The following CLPB variants were observed in gnomAD, a reference collection of about 807,000 sequenced individuals.
CLPB encodes the protein ClpB family mitochondrial disaggregase, also known as mitochondrial disaggregase.
CLPB carries 40 observed loss-of-function variants against 78.4 expected under a neutral mutation model. The observed-to-expected ratio is 0.51, with a 90% CI of 0.40 to 0.66. CLPB has a LOEUF of 0.66. Ranked by LOEUF, CLPB falls within the 30% of genes least tolerant of loss-of-function variation. CLPB has a pLI of 0.00. For synonymous variants in CLPB, 333 were observed against 348.0 expected (o/e 0.96, Z 0.48); for missense variants, 780 against 886.9 (o/e 0.88, Z 1.53).
chr11:72,429,780 T>C (rs1180537228), intron 2 of CLPB, among the ~76,000 whole-genome samples: 1 of 152,200 alleles, frequency 6.6e-6, no homozygotes, highest in Non-Finnish European at 1.5e-5. Context: ...CTGCCAGTGG[T>C]CACTGGAGAC....
intron 3 of CLPB, 142 bp from the exon 4 acceptor site, chr11:72,380,526 G>A (rs1854879229): frequency 1.5e-6 from 1 of 662,272 alleles, no homozygotes; most frequent in South Asian, 1.7e-5. Context: ...TGAACTTTGG[G>A]AGTGTAAAAG....
At chr11:72,362,830 C>CAT (rs1273360746) in intron 4 of CLPB, among the ~76,000 whole-genome samples, 1 of 152,200 alleles carries the variant, frequency 6.6e-6, no homozygotes, top group African/African-American at 2.4e-5. Flanking sequence ...AGGAATCCTG[C>CAT]ATATACTTTC....
chr11:72,383,739 C>CA (rs1854990733), intron 3 of CLPB, among the ~76,000 whole-genome samples: 1 of 152,014 alleles, frequency 6.6e-6, no homozygotes, highest in South Asian at 2.1e-4. Flanking sequence ...CAGCAAAACT[C>CA]TTCTTCAGAA....
chr11:72,418,856 A>C (rs1856102116), intron 2 of CLPB, among the ~76,000 whole-genome samples: 1 of 142,888 alleles, frequency 7.0e-6, no homozygotes, highest in Admixed American at 6.9e-5. Context: ...TCCATCTCCA[A>C]AAAAAAAAAA....
At chr11:72,408,369 A>G (rs1590910301) in intron 2 of CLPB, among the ~76,000 whole-genome samples, 1 of 152,304 alleles carries the variant, frequency 6.6e-6, no homozygotes, top group East Asian at 1.9e-4. Flanking sequence ...GGCACCTGGT[A>G]GATCAAGAAA....
At chr11:72,416,178 T>C (rs1363320309) in intron 2 of CLPB, among the ~76,000 whole-genome samples, 3 of 152,202 alleles carry the variant, frequency 2.0e-5, no homozygotes, top group Non-Finnish European at 2.9e-5. Context: ...TGTTTTCTAC[T>C]ACTAATTACA....
intron 4 of CLPB, among the ~76,000 whole-genome samples, chr11:72,373,775 A>T (rs1951087271): frequency 6.6e-6 from 1 of 152,056 alleles, no homozygotes; most frequent in Non-Finnish European, 1.5e-5. Context: ...GTGAAACTCC[A>T]TCTCTACTAA....
chr11:72,310,919 C>T (rs1007322951), intron 7 of CLPB: 2 of 152,088 alleles, frequency 1.3e-5, no homozygotes, highest in East Asian at 3.9e-4. Flanking sequence ...GGCCACTGTT[C>T]CCCGCTTCTT....
In CLPB at chr11:72,377,323, A is replaced by C. The variant is rs544242547; in HGVS notation, c.646+2958T>G. On this transcript the variant is annotated intron_variant, in intron 4 of 15. Transcript: ENST00000538039. ...TTAATCCAAGTAAGAACATGACGGC[A>C]GGGGATCTTGTCTGTCTAACTCATC... is the stretch of plus-strand genomic sequence containing the variant. Among the ~76,000 whole-genome samples, 3 of 152,346 alleles carry C rather than the reference A, an allele frequency of 2.0e-5. No homozygotes were observed. The East Asian group carries it at 5.8e-4, about 29-fold the overall frequency.
Position 72,294,008 on chromosome 11 carries a change from G to C in CLPB, c.1785+14C>G. On this transcript the variant is annotated intron_variant, in intron 15 of 15. Transcript: ENST00000538039. ...GGTGTGGAGGCGCCTCATTTCTCAG[G>C]CTCCTGTGCTCACCTCATGTTTGAT... 1 of 1,609,950 alleles carries C rather than the reference G, an allele frequency of 6.2e-7. No individual in the cohort carries two copies. The highest frequency in any genetic ancestry group is 1.1e-5 in the South Asian group (1 of 90,480).
At chr11:72,295,749 C>G (rs557651246) in intron 11 of CLPB, 101 bp from the exon 12 acceptor site, 2 of 1,140,142 alleles carry the variant, frequency 1.8e-6, no homozygotes, top group African/African-American at 1.5e-5. Context: ...TCCCCAGAGC[C>G]CTGTGTCTCC....
intron 6 of CLPB, among the ~76,000 whole-genome samples, chr11:72,322,331 A>C (rs1341510213): frequency 6.6e-6 from 1 of 152,236 alleles, no homozygotes; most frequent in Non-Finnish European, 1.5e-5. Context: ...GATCAGAGAC[A>C]AGACTGATGA....
chr11:72,331,856 G>A (rs926146063), intron 5 of CLPB, among the ~76,000 whole-genome samples: 1 of 152,092 alleles, frequency 6.6e-6, no homozygotes, highest in African/African-American at 2.4e-5. Context: ...TTATAGGTGT[G>A]AGCCACCATG....
intron 10 of CLPB, 72 bp downstream of exon 10, chr11:72,302,232 A>G (rs370381719): frequency 3.3e-5 from 49 of 1,497,084 alleles, no homozygotes; most frequent in African/African-American, 2.9e-4. Context: ...TGAGGCCCAA[A>G]TGACAAGACC....
At chr11:72,389,637 G>A (rs935305753) in intron 3 of CLPB, among the ~76,000 whole-genome samples, 30 of 152,140 alleles carry the variant, frequency 2.0e-4, no homozygotes, top group African/African-American at 7.0e-4. Flanking sequence ...GAATATCAGC[G>A]ATTCTCTGGC....
intron 2 of CLPB, among the ~76,000 whole-genome samples, chr11:72,412,489 G>C (rs139738451): frequency 1.1e-4 from 16 of 152,354 alleles, no homozygotes; most frequent in African/African-American, 3.8e-4. Flanking sequence ...ATGATCTGCA[G>C]AGATTAATCA....
chr11:72,433,263 ATAAATAAAGAAATTGGTCAGACGCGGTGG>A (rs1856598720), intron 1 of CLPB, among the ~76,000 whole-genome samples: 1 of 152,178 alleles, frequency 6.6e-6, no homozygotes, highest in Admixed American at 6.5e-5. Context: ...CCTTCACTAT[ATAAATAAAGAAATTGGTCAGACGCGGTGG>A]CTCACGCCTG....
At chr11:72,430,791 T>C (rs1856524280) in intron 1 of CLPB, among the ~76,000 whole-genome samples, 3 of 152,176 alleles carry the variant, frequency 2.0e-5, no homozygotes, top group Admixed American at 6.5e-5. Context: ...TGTCAAGTCA[T>C]AAACCCAAAA....
At chr11:72,294,760 C>G in intron 12 of CLPB, 67 bp from the exon 13 acceptor site, 1 of 1,323,862 alleles carries the variant, frequency 7.6e-7, no homozygotes, top group South Asian at 1.2e-5. Flanking sequence ...GTGCCTGCCC[C>G]TTGGCCTGCC....
Sources: gnomAD v4.1 joint callset for allele counts (sites outside exome capture counted in the v4.1 genomes callset) on GRCh38, gnomAD v4.1.1 for gene constraint, MANE v1.5 for transcripts, NCBI Gene and HGNC (gene_info 2026-07-23, HGNC 2026-07-21) for gene names.